RNF208: variants seen among roughly 807,000 people sequenced by gnomAD.
The protein encoded by RNF208 is ring finger protein 208.
A neutral mutation model predicts 15.2 loss-of-function variants in RNF208; 7 were observed. That is an observed-to-expected ratio of 0.46 (90% CI 0.26 to 0.86). The LOEUF is 0.86. RNF208 is among the 40% of genes least tolerant of loss of function. The probability of loss-of-function intolerance (pLI) is 0.16; values close to 1 mark genes in which losing one functional copy is unlikely to be tolerated. For synonymous variants in RNF208, 211 were observed against 163.2 expected, an observed-to-expected ratio of 1.29 and a Z score of -2.23; for missense variants, 342 against 364.1, an observed-to-expected ratio of 0.94 and a Z score of 0.49.
At position 137,222,177 on chromosome 9, in the gene RNF208, C is replaced by A. The variant is rs906803062; in HGVS notation, c.-715G>T. 1.1e-4 allele frequency among the ~76,000 whole-genome samples: 16 copies of A among 145,996 alleles called. No homozygotes were observed. The highest frequency in any genetic ancestry group is 2.0e-4 in the Admixed American group (3 of 14,704). Reference sequence around the variant, plus strand: ...GAGGGGCGCGGGCGCGGGCGTGGGGCGCGGGGCGCGGGTTTCGGCACGGCG... The same window carrying A: ...GAGGGGCGCGGGCGCGGGCGTGGGGAGCGGGGCGCGGGTTTCGGCACGGCG... On this transcript the variant is annotated 5_prime_UTR_variant, in exon 1 of 2. Transcript: ENST00000391553.
At position 137,222,096 on chromosome 9, in the gene RNF208, G is replaced by A. The variant is rs956843188; in HGVS notation, c.-634C>T. Among the ~76,000 whole-genome samples the A allele has an allele frequency of 1.4e-5, 2 of 147,338 alleles. No individual in the cohort carries two copies. Among genetic ancestry groups the A allele is most frequent in the African/African-American group, 4.9e-5 (2 of 40,908 alleles). On this transcript the variant is annotated 5_prime_UTR_variant, in exon 1 of 2. Coordinates refer to ENST00000391553, the MANE Select transcript of RNF208 (RefSeq NM_031297.7). ...CGGCCCGGCAGCTCGGGGGGCTCCG[G>A]CGGCTCCGGCGGCGGCCGCAGCGAC...
chr9:137,222,017 G>A lies in RNF208; in HGVS notation c.-555C>T, dbSNP rs1313350974. Reference sequence around the variant, plus strand: ...CCCCAGCCTGGCGTCCCGGCCGCGCGCCGCCGCCGCAGAGGTTGTCTCAAA... The same window carrying A: ...CCCCAGCCTGGCGTCCCGGCCGCGCACCGCCGCCGCAGAGGTTGTCTCAAA... On this transcript the variant is annotated 5_prime_UTR_variant, in exon 1 of 2. Coordinates refer to ENST00000391553, the MANE Select transcript of RNF208 (RefSeq NM_031297.7). 6.6e-6 allele frequency among the ~76,000 whole-genome samples: 1 copy of A among 150,840 alleles called. No homozygotes were observed. Among genetic ancestry groups the A allele is most frequent in the African/African-American group, 2.4e-5 (1 of 41,172 alleles).
chr9:137,220,974 C>G lies in RNF208; in HGVS notation c.239G>C (p.Gly80Ala), dbSNP rs947003393. The change falls in exon 2 of 2, where the codon GGG (glycine) becomes GCG (alanine). Residue 80 changes from glycine (G) to alanine (A), a missense_variant. Physicochemically the swap from Gly to Ala is moderately conservative, Grantham distance 60. Coordinates refer to ENST00000391553, the MANE Select transcript of RNF208 (RefSeq NM_031297.7). ...TEIIVNQACG[G>A]DMPALEGAPH... ...TGCCCCTTCCAAGGCAGGCATGTCC[C>G]CCCCACAGGCCTGGTTGACAATGAT... 1.9e-6 allele frequency: 3 copies of G among 1,550,094 alleles called. No homozygotes were observed. Among genetic ancestry groups the G allele is most frequent in the Middle Eastern group, 1.7e-4 (1 of 5,872 alleles).
rs1246083476 is a variant in RNF208, at chr9:137,221,215, G to A, written c.-3C>T. ...TCGGGCCCGGGGTCAGAGGGCATCC[G>A]GCTGTCTCCAGTCAGACTGGATGTT... On this transcript the variant is annotated 5_prime_UTR_variant, in exon 2 of 2. Coordinates refer to ENST00000391553, the MANE Select transcript of RNF208 (RefSeq NM_031297.7). 7 of 1,463,578 alleles carry A rather than the reference G, an allele frequency of 4.8e-6. No homozygotes were observed. Among genetic ancestry groups the A allele is most frequent in the South Asian group, 4.2e-5 (3 of 71,634 alleles). 90.7% of individuals were successfully genotyped at this position (1,463,578 alleles called of 1,614,324 possible). A position where few individuals can be genotyped will look rare whatever the true frequency, so the allele number is the denominator to read the frequency against.
chr9:137,220,993 C>A lies in RNF208; in HGVS notation c.220G>T (p.Val74Phe). ...ATGTCCCCCCCACAGGCCTGGTTGA[C>A]AATGATCTCTGTGTCTGAGGGCCAG... ...RAWPSDTEII[V>F]NQACGGDMPA... The change falls in exon 2 of 2, where the codon GTC (valine) becomes TTC (phenylalanine). Residue 74 changes from valine (V) to phenylalanine (F), a missense_variant. Physicochemically the swap from Val to Phe is conservative, Grantham distance 50. Coordinates refer to ENST00000391553, the MANE Select transcript of RNF208 (RefSeq NM_031297.7). 6.4e-7 allele frequency: 1 copy of A among 1,567,654 alleles called. No homozygotes were observed. The highest frequency in any genetic ancestry group is 8.7e-7 in the Non-Finnish European group (1 of 1,154,414).
At chr9:137,222,769 C>G (rs971711004), upstream of RNF208, among the ~76,000 whole-genome samples, 2 of 152,238 alleles carry the variant, frequency 1.3e-5, no homozygotes, top group East Asian at 3.8e-4. Context: ...TGGGAGTGCG[C>G]GAAGGACAGG....
At position 137,221,545 on chromosome 9, in the gene RNF208, CG is replaced by C. The variant is rs1388121361; in HGVS notation, c.-334del. The C allele has an allele frequency of 1.7e-4, 3 of 17,582 alleles. No homozygotes were observed. The highest frequency in any genetic ancestry group is 1.6e-3 in the South Asian group (1 of 610). 1.1% of individuals were successfully genotyped at this position (17,582 alleles called of 1,614,324 possible). ...GGCTGCTGAGGCTGGCGAGGGGGCG[CG>C]GGGGGGGCTCCCCCTGCAGCCGAGG... On this transcript the variant is annotated 5_prime_UTR_variant, in exon 2 of 2. Coordinates refer to ENST00000391553, the MANE Select transcript of RNF208 (RefSeq NM_031297.7).
In RNF208 at chr9:137,220,997, G is replaced by C. The variant is rs554581992; in HGVS notation, c.216C>G (p.Ile72Met). ...CCCCCCCACAGGCCTGGTTGACAATGATCTCTGTGTCTGAGGGCCAGGCAC... is the reference window on the plus strand; with the variant it reads ...CCCCCCCACAGGCCTGGTTGACAATCATCTCTGTGTCTGAGGGCCAGGCAC... ...PKRAWPSDTEIIVNQACGGDM... is the reference protein window; with the variant it reads ...PKRAWPSDTEMIVNQACGGDM... Residue 72 changes from isoleucine to methionine, a missense_variant, in exon 2 of 2, where the codon ATC (isoleucine) becomes ATG (methionine). This residue lies in a region of RNF208 where 207 missense variants were observed against 193.7 expected (regional missense o/e 1.07). Coordinates refer to ENST00000391553, the MANE Select transcript of RNF208 (RefSeq NM_031297.7). 1 of 1,570,226 alleles carries C rather than the reference G, an allele frequency of 6.4e-7. No individual in the cohort carries two copies. The highest frequency in any genetic ancestry group is 1.3e-5 in the African/African-American group (1 of 74,534).
At chr9:137,222,546 G>A (rs1406059102), upstream of RNF208, among the ~76,000 whole-genome samples, 3 of 152,288 alleles carry the variant, frequency 2.0e-5, no homozygotes, top group East Asian at 5.8e-4. Context: ...GAGAGGGAGG[G>A]GACCTGCGCG....
rs1478314933 is a variant in RNF208 at position 137,220,675 on chromosome 9, T to C, written c.538A>G (p.Lys180Glu). 6.2e-7 allele frequency: 1 copy of C among 1,612,514 alleles called. No homozygotes were observed. The highest frequency in any genetic ancestry group is 1.7e-5 in the Admixed American group (1 of 60,008). The change falls in exon 2 of 2, where the codon AAG becomes GAG. Residue 180 changes from lysine to glutamate, a missense_variant. This residue lies in a region of RNF208 where 76 missense variants were observed against 118.0 expected (regional missense o/e 0.64). Transcript: ENST00000391553. ...GTGGGGCAGGAGATGAACTTGTACT[T>C]GGGGCAGGACTCGTAGAGAATCTGC... ...CLQILYESCPKYKFISCPTCR... is the reference protein window; with the variant it reads ...CLQILYESCPEYKFISCPTCR...
In RNF208 at chr9:137,220,706, C is replaced by G; in HGVS notation, c.507G>C (p.Gln169His). 6.2e-7 allele frequency: 1 copy of G among 1,612,604 alleles called. No individual in the cohort carries two copies. The highest frequency in any genetic ancestry group is 1.3e-5 in the African/African-American group (1 of 75,060). The change falls in exon 2 of 2, where the codon CAG (glutamine) becomes CAC (histidine). Residue 169 changes from glutamine (Q) to histidine (H), a missense_variant. Gln to His is a conservative substitution (Grantham distance 24, BLOSUM62 0). Coordinates refer to ENST00000391553, the MANE Select transcript of RNF208 (RefSeq NM_031297.7). Reference sequence around the variant, plus strand: ...AGGACTCGTAGAGAATCTGCAGGCACTGCTCACACACAGAGTGCAGGCAGG... The same window carrying G: ...AGGACTCGTAGAGAATCTGCAGGCAGTGCTCACACACAGAGTGCAGGCAGG... ...VLSCLHSVCE[Q>H]CLQILYESCP...
At chr9:137,222,341 G>T (rs1412455435), upstream of RNF208, among the ~76,000 whole-genome samples, 1 of 150,450 alleles carries the variant, frequency 6.6e-6, no homozygotes, top group Non-Finnish European at 1.5e-5. Flanking sequence ...GGCGGGGCCA[G>T]CCTCCCGGCC....
In RNF208 at chr9:137,220,930, G is replaced by A; in HGVS notation, c.283C>T (p.Pro95Ser). Residue 95 changes from proline (P) to serine (S), a missense_variant, in exon 2 of 2, where the codon CCA becomes TCA. Pro to Ser is a moderately conservative substitution (Grantham distance 74). Around this residue, in one of 3 missense-constraint regions of RNF208, gnomAD observed 207 missense variants for 193.7 expected, o/e 1.07. Coordinates refer to ENST00000391553, the MANE Select transcript of RNF208 (RefSeq NM_031297.7). ...GAGCTTCCCTTACGGGGCCGCCGTGGCAGTGGCGGGGTATGGGGTGCCCCT... is the reference window on the plus strand; with the variant it reads ...GAGCTTCCCTTACGGGGCCGCCGTGACAGTGGCGGGGTATGGGGTGCCCCT... ...LEGAPHTPPL[P>S]RRPRKGSSEL... 6 of 1,558,180 alleles carry A rather than the reference G, an allele frequency of 3.9e-6. No individual in the cohort carries two copies. Among genetic ancestry groups the A allele is most frequent in the Non-Finnish European group, 5.2e-6 (6 of 1,150,700 alleles).
chr9:137,222,326 C>T (rs1204624903), upstream of RNF208, among the ~76,000 whole-genome samples: 4 of 149,602 alleles, frequency 2.7e-5, no homozygotes, highest in Admixed American at 2.7e-4. Flanking sequence ...GCGCGGGGTC[C>T]GCGGGGCGGG....
chr9:137,223,372 T>C (rs1197342608), upstream of RNF208, among the ~76,000 whole-genome samples: 1 of 152,178 alleles, frequency 6.6e-6, no homozygotes, highest in African/African-American at 2.4e-5. Flanking sequence ...CCGCAGACTC[T>C]GCTCACCGAC....
chr9:137,220,461 A>G lies in RNF208; in HGVS notation c.752T>C (p.Val251Ala). ...QYCGAACTCHVRNPLSACSIM is the reference protein window; with the variant it reads ...QYCGAACTCHARNPLSACSIM Reference sequence around the variant, plus strand: ...GGAGCAGGCGGACAGTGGGTTCCGCACGTGGCAGGTGCACGCGGCCCCACA... The same window carrying G: ...GGAGCAGGCGGACAGTGGGTTCCGCGCGTGGCAGGTGCACGCGGCCCCACA... Residue 251 changes from valine (V) to alanine (A), a missense_variant, in exon 2 of 2, where the codon GTG (valine) becomes GCG (alanine). Physicochemically the swap from Val to Ala is moderately conservative, Grantham distance 64 (BLOSUM62 0). Around this residue, in one of 3 missense-constraint regions of RNF208, gnomAD observed 59 missense variants for 52.4 expected, o/e 1.13. Transcript: ENST00000391553. 6.3e-7 allele frequency: 1 copy of G among 1,597,182 alleles called. No individual in the cohort carries two copies. Among genetic ancestry groups the G allele is most frequent in the East Asian group, 2.3e-5 (1 of 44,074 alleles).
chr9:137,220,987 G>T lies in RNF208; in HGVS notation c.226C>A (p.Gln76Lys). The stretch of plus-strand genomic sequence containing the variant: ...GCAGGCATGTCCCCCCCACAGGCCT[G>T]GTTGACAATGATCTCTGTGTCTGAG... ...WPSDTEIIVN[Q>K]ACGGDMPALE... is the part of the protein sequence containing the mutation. Residue 76 changes from glutamine (Q) to lysine (K), a missense_variant, in exon 2 of 2, where the codon CAG (glutamine) becomes AAG (lysine). By Grantham distance (53) the Gln-to-Lys change is moderately conservative. This residue lies in a region of RNF208 where 207 missense variants were observed against 193.7 expected (regional missense o/e 1.07). Transcript: ENST00000391553. The T allele has an allele frequency of 3.8e-6, 6 of 1,562,552 alleles. No individual in the cohort carries two copies. The highest frequency in any genetic ancestry group is 5.2e-6 in the Non-Finnish European group (6 of 1,151,184).
rs906803062 is a variant in RNF208 at position 137,222,177 on chromosome 9, C to T, written c.-715G>A. ...GAGGGGCGCGGGCGCGGGCGTGGGG[C>T]GCGGGGCGCGGGTTTCGGCACGGCG... On this transcript the variant is annotated 5_prime_UTR_variant, in exon 1 of 2. Transcript: ENST00000391553. 2.7e-5 allele frequency among the ~76,000 whole-genome samples: 4 copies of T among 145,996 alleles called. No homozygotes were observed. The highest frequency in any genetic ancestry group is 3.0e-5 in the Non-Finnish European group (2 of 65,758).
rs1156348098 is a variant in RNF208, at chr9:137,222,154, GGGGCGC to G, written c.-698_-693del. Among the ~76,000 whole-genome samples the G allele has an allele frequency of 6.8e-6, 1 of 146,272 alleles. No homozygotes were observed. Among genetic ancestry groups the G allele is most frequent in the African/African-American group, 2.4e-5 (1 of 40,838 alleles). The stretch of plus-strand genomic sequence containing the variant: ...GATGGCGGGGCCCGGGCGGCACCGA[GGGGCGC>G]GGGCGCGGGCGTGGGGCGCGGGGCG... On this transcript the variant is annotated 5_prime_UTR_variant, in exon 1 of 2. Transcript: ENST00000391553.
Sources: allele counts gnomAD v4.1 joint callset (sites outside exome capture counted in the v4.1 genomes callset), GRCh38; gene constraint gnomAD v4.1.1; regional missense constraint gnomAD v4.1.1; transcripts MANE v1.5; gene names NCBI Gene and HGNC (gene_info 2026-07-23, HGNC 2026-07-21).